SNX31: variants seen among roughly 807,000 people sequenced by gnomAD.
SNX31 encodes sorting nexin 31, also known as sorting nexin-31.
SNX31 carries 58 observed loss-of-function variants against 65.4 expected under a neutral mutation model. The ratio of observed to expected loss-of-function variants is 0.89; its 90% CI spans 0.72 to 1.10. The LOEUF (loss-of-function observed/expected upper bound fraction) is 1.10. SNX31 is among the 50% of genes least tolerant of loss of function. SNX31 has a pLI of 0.00. For missense variants in SNX31, 523 were observed against 529.7 expected, an observed-to-expected ratio of 0.99 and a Z score of 0.12; for synonymous variants, 181 against 190.1, an observed-to-expected ratio of 0.95 and a Z score of 0.39.
chr8:100,606,140 T>A (rs1816134949), intron 8 of SNX31, among the ~76,000 whole-genome samples: 1 of 152,080 alleles, frequency 6.6e-6, no homozygotes, highest in Non-Finnish European at 1.5e-5. Flanking sequence ...GCTCAAGCCA[T>A]CCTCCTACCT....
At chr8:100,586,670 A>T (rs1814079414) in intron 11 of SNX31, among the ~76,000 whole-genome samples, 1 of 152,188 alleles carries the variant, frequency 6.6e-6, no homozygotes, top group South Asian at 2.1e-4. Context: ...GGACCTAAGG[A>T]CCCACTCCTT....
At chr8:100,586,315 A>G (rs980178940) in intron 11 of SNX31, among the ~76,000 whole-genome samples, 1 of 152,264 alleles carries the variant, frequency 6.6e-6, no homozygotes, top group Admixed American at 6.5e-5. Flanking sequence ...TCCACCTTTT[A>G]CAAAAGTAGC....
chr8:100,640,091 C>G (rs1819053644), intron 2 of SNX31, among the ~76,000 whole-genome samples: 1 of 151,946 alleles, frequency 6.6e-6, no homozygotes, highest in Admixed American at 6.6e-5. Context: ...CTAGACAAAT[C>G]TCTTGTGCAG....
chr8:100,609,049 T>C lies in SNX31; in HGVS notation c.612-486A>G, dbSNP rs75585900. On this transcript the variant is annotated intron_variant, in intron 7 of 13. Coordinates refer to ENST00000311812, the MANE Select transcript of SNX31 (RefSeq NM_152628.4). This position sits in a 1 kb window ranked among gnomAD's most constrained non-coding sequence, Gnocchi z 4.9. Reference sequence around the variant, plus strand: ...CTGATGCTCCACATTCTAACCAGAGTGGTCTTTCCTGTGAAACTTTTCAGA... The same window carrying C: ...CTGATGCTCCACATTCTAACCAGAGCGGTCTTTCCTGTGAAACTTTTCAGA... 1.3e-5 allele frequency among the ~76,000 whole-genome samples: 2 copies of C among 152,076 alleles called. No individual in the cohort carries two copies. The highest frequency in any genetic ancestry group is 2.4e-5 in the African/African-American group (1 of 41,390).
chr8:100,657,514 G>A (rs940618515), intron 1 of SNX31, among the ~76,000 whole-genome samples: 2 of 151,898 alleles, frequency 1.3e-5, no homozygotes, highest in African/African-American at 4.8e-5. Context: ...GGAGCCCCGA[G>A]GCTGCCTCTG....
rs1305457947 is a variant in SNX31 at position 100,633,356 on chromosome 8, C to CTA, written c.256+2539_256+2540dup. Among the ~76,000 whole-genome samples, 5 of 152,186 alleles carry CTA rather than the reference C, an allele frequency of 3.3e-5. No homozygotes were observed. The South Asian group carries it at 6.2e-4, about 19-fold the overall frequency. Reference sequence around the variant, plus strand: ...TGATTTTGCTAACTATACTGTGGTTCTATAAGACAGTCTCTGTGATCTTAG... The same window carrying CTA: ...TGATTTTGCTAACTATACTGTGGTTCTATATAAGACAGTCTCTGTGATCTTAG... On this transcript the variant is annotated intron_variant, in intron 3 of 13. Coordinates refer to ENST00000311812, the MANE Select transcript of SNX31 (RefSeq NM_152628.4).
At chr8:100,596,526 T>C in intron 10 of SNX31, 113 bp downstream of exon 10, 4 of 830,170 alleles carry the variant, frequency 4.8e-6, no homozygotes, top group Non-Finnish European at 7.9e-6. Flanking sequence ...TAGATGTCAC[T>C]CCACTCAAGG....
At chr8:100,631,950 T>TA in intron 3 of SNX31, among the ~76,000 whole-genome samples, 1 of 152,240 alleles carries the variant, frequency 6.6e-6, no homozygotes, top group East Asian at 1.9e-4. Flanking sequence ...AGTATTAGGC[T>TA]AAAAACTTTG....
intron 10 of SNX31, among the ~76,000 whole-genome samples, chr8:100,592,900 G>A (rs780748932): frequency 1.1e-4 from 17 of 152,276 alleles, no homozygotes; most frequent in Non-Finnish European, 2.2e-4. Flanking sequence ...ATTAATATAC[G>A]GGTCGGAGTT....
Position 100,630,234 on chromosome 8 carries a change from A to C in SNX31, c.321+93T>G, listed in dbSNP as rs151126118. The C allele has an allele frequency of 5.4e-4, 606 of 1,126,300 alleles. 11 individuals carry two copies. The East Asian group carries it at 0.015, about 29-fold the overall frequency. 69.8% of individuals were successfully genotyped at this position (1,126,300 alleles called of 1,614,324 possible). A position where few individuals can be genotyped will look rare whatever the true frequency, so the allele number is the denominator to read the frequency against. On this transcript the variant is annotated intron_variant, in intron 4 of 13. Transcript: ENST00000311812. This position sits in a 1 kb window ranked among gnomAD's most constrained non-coding sequence, Gnocchi z 5.3. Reference sequence around the variant, plus strand: ...CAAGTCCAGGCTCTGTGGGGCTGTGACCAGTGCACACATGTGTGTGTACCT... The same window carrying C: ...CAAGTCCAGGCTCTGTGGGGCTGTGCCCAGTGCACACATGTGTGTGTACCT...
At chr8:100,658,692 G>C (rs867563776) in intron 1 of SNX31, among the ~76,000 whole-genome samples, 1 of 152,200 alleles carries the variant, frequency 6.6e-6, no homozygotes, top group East Asian at 1.9e-4. Flanking sequence ...TTTGAAACTC[G>C]AGTGCCCAGG....
At chr8:100,592,834 T>C (rs1162233768) in intron 10 of SNX31, among the ~76,000 whole-genome samples, 1 of 152,192 alleles carries the variant, frequency 6.6e-6, no homozygotes, top group Non-Finnish European at 1.5e-5. Context: ...AGAATGAACC[T>C]GGGAAACATG....
chr8:100,614,995 G>T lies in SNX31; in HGVS notation c.433-1910C>A, dbSNP rs749268642. Reference sequence around the variant, plus strand: ...GTGTGCTGGAGAAGATGCAGAAGGCGATTTTTAATTATAAAACTTAAATTA... The same window carrying T: ...GTGTGCTGGAGAAGATGCAGAAGGCTATTTTTAATTATAAAACTTAAATTA... On this transcript the variant is annotated intron_variant, in intron 5 of 13. Transcript: ENST00000311812. The surrounding 1 kb of genome is among the most constrained non-coding windows in gnomAD (Gnocchi z 5.1). 6.6e-6 allele frequency among the ~76,000 whole-genome samples: 1 copy of T among 152,194 alleles called. No homozygotes were observed. Among genetic ancestry groups the T allele is most frequent in the Non-Finnish European group, 1.5e-5 (1 of 68,042 alleles).
chr8:100,662,344 G>A (rs1388576508), intron 1 of SNX31, among the ~76,000 whole-genome samples: 1 of 152,174 alleles, frequency 6.6e-6, no homozygotes, highest in Non-Finnish European at 1.5e-5. Context: ...GCCTGTCAGG[G>A]GCAGGAGTAG....
At position 100,648,119 on chromosome 8, in the gene SNX31, T is replaced by C. The variant is rs575543068; in HGVS notation, c.141+1155A>G. 1.3e-5 allele frequency among the ~76,000 whole-genome samples: 2 copies of C among 152,218 alleles called. No individual in the cohort carries two copies. Among genetic ancestry groups the C allele is most frequent in the African/African-American group, 4.8e-5 (2 of 41,450 alleles). On this transcript the variant is annotated intron_variant, in intron 2 of 13. Transcript: ENST00000311812. This position sits in a 1 kb window ranked among gnomAD's most constrained non-coding sequence, Gnocchi z 4.3. ...TGGACTTTTCCAATGCACTGTGATGTATGAGCAAGAAGGCTTGCTACAGTG... is the reference window on the plus strand; with the variant it reads ...TGGACTTTTCCAATGCACTGTGATGCATGAGCAAGAAGGCTTGCTACAGTG...
At chr8:100,634,695 G>A (rs928720444) in intron 3 of SNX31, among the ~76,000 whole-genome samples, 1 of 151,378 alleles carries the variant, frequency 6.6e-6, no homozygotes, top group Non-Finnish European at 1.5e-5. Context: ...GTTGCAGTGA[G>A]CCAAGGTCAC....
At chr8:100,600,887 A>G (rs1266714555) in intron 8 of SNX31, among the ~76,000 whole-genome samples, 1 of 152,210 alleles carries the variant, frequency 6.6e-6, no homozygotes, top group Non-Finnish European at 1.5e-5. Flanking sequence ...AACAAAACTA[A>G]GAATCAAATG....
chr8:100,581,329 C>T (rs3015841), intron 12 of SNX31, among the ~76,000 whole-genome samples: 1 of 80,170 alleles, frequency 1.2e-5, no homozygotes, highest in African/African-American at 4.9e-5. Flanking sequence ...CTATATCTAT[C>T]TATCTATCTA....
rs896204024 is a variant in SNX31, at chr8:100,610,588, G to A, written c.611+1412C>T. Among the ~76,000 whole-genome samples, 4 of 152,160 alleles carry A rather than the reference G, an allele frequency of 2.6e-5. No homozygotes were observed. The highest frequency in any genetic ancestry group is 7.2e-5 in the African/African-American group (3 of 41,428). On this transcript the variant is annotated intron_variant, in intron 7 of 13. Coordinates refer to ENST00000311812, the MANE Select transcript of SNX31 (RefSeq NM_152628.4). This position sits in a 1 kb window ranked among gnomAD's most constrained non-coding sequence, Gnocchi z 4.0. ...TACGCAGCTAAGACCTGAGCAAGGCGCAACTTAGATTCACATACTGTAATT... is the reference window on the plus strand; with the variant it reads ...TACGCAGCTAAGACCTGAGCAAGGCACAACTTAGATTCACATACTGTAATT...
Sources: gnomAD v4.1 joint callset for allele counts (sites outside exome capture counted in the v4.1 genomes callset) on GRCh38, gnomAD v4.1.1 for gene constraint, Gnocchi (gnomAD v3.1) non-coding constraint, MANE v1.5 for transcripts, NCBI Gene and HGNC (gene_info 2026-07-23, HGNC 2026-07-21) for gene names.